The following WWOX variants were observed in gnomAD, a reference collection of about 807,000 sequenced individuals.
WWOX encodes the protein WW domain-containing oxidoreductase.
Under a neutral mutation model 46.2 loss-of-function variants are expected in WWOX, and 69 were observed. The ratio of observed to expected loss-of-function variants is 1.49; its 90% CI spans 1.23 to 1.82. The LOEUF is 1.82. Among genes scored for constraint, WWOX ranks in the 40% most tolerant of loss-of-function variants. The pLI, the probability that WWOX is intolerant of heterozygous loss-of-function variation, is 0.00. For synonymous variants in WWOX, 359 were observed against 202.6 expected, an observed-to-expected ratio of 1.77 and a Z score of -6.56; for missense variants, 919 against 542.6, an observed-to-expected ratio of 1.69 and a Z score of -6.89.
chr16:78,977,857 G>T (rs2046604204), intron 8 of WWOX, among the ~76,000 whole-genome samples: 1 of 152,156 alleles, frequency 6.6e-6, no homozygotes, highest in African/African-American at 2.4e-5. Flanking sequence ...AAACTTCAAG[G>T]ACGCTTTTTG....
At chr16:79,096,273 C>A (rs1349732522) in intron 8 of WWOX, among the ~76,000 whole-genome samples, 1 of 152,084 alleles carries the variant, frequency 6.6e-6, no homozygotes, top group South Asian at 2.1e-4. Flanking sequence ...GTTAGATCAC[C>A]TCTTTCTCCT....
At chr16:79,126,597 C>T (rs143669368) in intron 8 of WWOX, among the ~76,000 whole-genome samples, 98 of 152,224 alleles carry the variant, frequency 6.4e-4, no homozygotes, top group Middle Eastern at 3.4e-3. Context: ...TCATGTGAAA[C>T]GGTGAGTCAA....
At chr16:78,261,788 C>CTAGAGATATA (rs1491587303) in intron 5 of WWOX, among the ~76,000 whole-genome samples, 90 of 73,742 alleles carry the variant, frequency 1.2e-3, no homozygotes, top group South Asian at 7.3e-3. Context: ...ATCTATCTAT[C>CTAGAGATATA]TATATATATA....
chr16:78,626,191 C>T (rs747151076), intron 8 of WWOX, among the ~76,000 whole-genome samples: 17 of 151,522 alleles, frequency 1.1e-4, no homozygotes, highest in South Asian at 2.1e-4. Flanking sequence ...AGTGCAGTGG[C>T]GCGATCTTGG....
chr16:79,017,614 C>T (rs980555334), intron 8 of WWOX, among the ~76,000 whole-genome samples: 9 of 151,942 alleles, frequency 5.9e-5, no homozygotes, highest in African/African-American at 2.2e-4. Context: ...ATGGACAATT[C>T]ATAAATTAAT....
chr16:78,847,691 T>C (rs1321280856), intron 8 of WWOX, among the ~76,000 whole-genome samples: 1 of 152,110 alleles, frequency 6.6e-6, no homozygotes, highest in Non-Finnish European at 1.5e-5. Flanking sequence ...CTCAGTTTCT[T>C]CTTCTATAAG....
chr16:79,134,455 G>T (rs1329225146), intron 8 of WWOX, among the ~76,000 whole-genome samples: 2 of 152,116 alleles, frequency 1.3e-5, no homozygotes, highest in Non-Finnish European at 2.9e-5. Flanking sequence ...CCTGTTGGAG[G>T]GAGCTATGTG....
At chr16:78,289,587 G>GA (rs2079827626) in intron 5 of WWOX, among the ~76,000 whole-genome samples, 1 of 151,878 alleles carries the variant, frequency 6.6e-6, no homozygotes, top group African/African-American at 2.4e-5. Flanking sequence ...AGTAACAGGG[G>GA]AAAAAAATAA....
chr16:78,248,181 A>ATC (rs2037871779), intron 5 of WWOX, among the ~76,000 whole-genome samples: 1 of 152,096 alleles, frequency 6.6e-6, no homozygotes, highest in Non-Finnish European at 1.5e-5. Context: ...AGGAAGCATG[A>ATC]TGCTAGCATC....
At chr16:79,125,830 G>A (rs2049741538) in intron 8 of WWOX, among the ~76,000 whole-genome samples, 1 of 152,154 alleles carries the variant, frequency 6.6e-6, no homozygotes, top group African/African-American at 2.4e-5. Context: ...CAAACAATTA[G>A]CATTTTTGCC....
chr16:78,396,170 T>C (rs1449900832), intron 6 of WWOX, among the ~76,000 whole-genome samples: 2 of 152,240 alleles, frequency 1.3e-5, no homozygotes, highest in Non-Finnish European at 2.9e-5. Context: ...CTGTACCTTA[T>C]TTCTTTCTTA....
At chr16:78,118,872 C>A (rs570383431) in intron 4 of WWOX, 2 of 149,864 alleles carry the variant, frequency 1.3e-5, no homozygotes, top group African/African-American at 2.5e-5. Flanking sequence ...AAACCCCCGC[C>A]TTTTTTTTAG....
At chr16:78,796,612 T>G (rs1199426448) in intron 8 of WWOX, among the ~76,000 whole-genome samples, 1 of 152,236 alleles carries the variant, frequency 6.6e-6, no homozygotes, top group Non-Finnish European at 1.5e-5. Flanking sequence ...GTACAAATGA[T>G]ACGAGTTTTA....
At chr16:78,470,094 A>C (rs1013387921) in intron 8 of WWOX, among the ~76,000 whole-genome samples, 5 of 152,228 alleles carry the variant, frequency 3.3e-5, no homozygotes, top group Non-Finnish European at 5.9e-5. Context: ...GCTCTCTTCC[A>C]AGTGGTAACC....
chr16:78,476,587 C>G (rs566917864), intron 8 of WWOX, among the ~76,000 whole-genome samples: 1 of 149,302 alleles, frequency 6.7e-6, no homozygotes, highest in Admixed American at 6.7e-5. Flanking sequence ...CACATGTACC[C>G]TAGAACTGAA....
In WWOX at chr16:78,431,706, A is replaced by G. The variant is rs556597422; in HGVS notation, c.792-782A>G. The stretch of plus-strand genomic sequence containing the variant: ...GTAGCCAATCCTTTTTTTTTTTTTA[A>G]TTTTTAAATTTTAAATTCTTACTTT... On this transcript the variant is annotated intron_variant, in intron 7 of 8. Coordinates refer to ENST00000566780, the MANE Select transcript of WWOX (RefSeq NM_016373.4). 7.9e-3 allele frequency among the ~76,000 whole-genome samples: 1,021 copies of G among 128,544 alleles called. 8 individuals carry two copies. Among genetic ancestry groups the G allele is most frequent in the African/African-American group, 0.03 (956 of 31,850 alleles). The allele number at this position is 128,544 out of a possible 152,430, so 84.3% of individuals were successfully genotyped here.
intron 8 of WWOX, among the ~76,000 whole-genome samples, chr16:78,931,295 C>T (rs1253792061): frequency 6.6e-6 from 1 of 152,078 alleles, no homozygotes; most frequent in African/African-American, 2.4e-5. Flanking sequence ...AAGAGAAACT[C>T]CCAATCTGAA....
At chr16:79,158,943 C>T (rs2050433648) in intron 8 of WWOX, among the ~76,000 whole-genome samples, 1 of 152,226 alleles carries the variant, frequency 6.6e-6, no homozygotes, top group African/African-American at 2.4e-5. Context: ...AGGAACGTGA[C>T]ATTTATTGAA....
intron 8 of WWOX, among the ~76,000 whole-genome samples, chr16:78,491,373 A>G (rs747730649): frequency 6.6e-6 from 1 of 152,120 alleles, no homozygotes; most frequent in African/African-American, 2.4e-5. Context: ...TGACAACCTA[A>G]TAGGTGCTCA....
Sources: allele counts gnomAD v4.1 joint callset (sites outside exome capture counted in the v4.1 genomes callset), GRCh38; gene constraint gnomAD v4.1.1; transcripts MANE v1.5; gene names NCBI Gene and HGNC (gene_info 2026-07-23, HGNC 2026-07-21).